The following BPNT2 variants were observed in gnomAD, a reference collection of about 807,000 sequenced individuals.
BPNT2 encodes the protein Golgi-resident adenosine 3',5'-bisphosphate 3'-phosphatase.
A neutral mutation model predicts 29.3 loss-of-function variants in BPNT2; 11 were observed. The ratio of observed to expected loss-of-function variants is 0.38; its 90% CI spans 0.24 to 0.62. The LOEUF (loss-of-function observed/expected upper bound fraction) is 0.62, where lower values mean the gene tolerates loss of function less well. Ranked by LOEUF, BPNT2 falls within the 20% of genes least tolerant of loss-of-function variation. The probability of loss-of-function intolerance (pLI) is 0.62; values close to 1 mark genes in which losing one functional copy is unlikely to be tolerated. For synonymous variants in BPNT2, 195 were observed against 187.7 expected, an observed-to-expected ratio of 1.04 and a Z score of -0.32; for missense variants, 459 against 473.4, an observed-to-expected ratio of 0.97 and a Z score of 0.28.
chr8:56,991,546 T>C (rs1031067368), intron 1 of BPNT2, among the ~76,000 whole-genome samples: 3 of 152,240 alleles, frequency 2.0e-5, no homozygotes, highest in African/African-American at 7.2e-5. Context: ...TCTACAATTA[T>C]AAGTTTTAAA....
In BPNT2 at chr8:56,963,475, G is replaced by A; in HGVS notation, c.*318C>T. The A allele has an allele frequency of 3.6e-6, 1 of 277,164 alleles. No individual in the cohort carries two copies. The highest frequency in any genetic ancestry group is 6.8e-6 in the Non-Finnish European group (1 of 146,150). 17.2% of individuals were successfully genotyped at this position (277,164 alleles called of 1,614,324 possible). On this transcript the variant is annotated 3_prime_UTR_variant, in exon 5 of 5. Transcript: ENST00000262644. ...AGTACTAACAGTGAAGATTCATGATGTTGTGTGAAAATGGTGACTCATAAC... is the reference window on the plus strand; with the variant it reads ...AGTACTAACAGTGAAGATTCATGATATTGTGTGAAAATGGTGACTCATAAC...
intron 2 of BPNT2, among the ~76,000 whole-genome samples, chr8:56,979,371 G>C (rs1806202177): frequency 6.6e-6 from 1 of 152,114 alleles, no homozygotes; most frequent in Non-Finnish European, 1.5e-5. Context: ...AACTTTTTAT[G>C]AACAAATTTC....
chr8:56,980,877 T>G (rs918308113), intron 1 of BPNT2, among the ~76,000 whole-genome samples: 3 of 149,750 alleles, frequency 2.0e-5, no homozygotes, highest in Non-Finnish European at 3.0e-5. Context: ...ATATATATTC[T>G]CTCTGTATAA....
Position 56,993,188 on chromosome 8 carries a change from T to G in BPNT2, c.387+11A>C, listed in dbSNP as rs772531656. ...CCGGCTCGAGTGGGCGCTCCGCCCG[T>G]GGGCTCCCACCTGGACGCTGGGGAA... On this transcript the variant is annotated intron_variant, in intron 1 of 4. Transcript: ENST00000262644. 1.3e-6 allele frequency: 2 copies of G among 1,593,902 alleles called. No homozygotes were observed. Among genetic ancestry groups the G allele is most frequent in the South Asian group, 1.1e-5 (1 of 90,010 alleles).
rs1489094333 is a variant in BPNT2, at chr8:56,958,267, G to A, written c.*5526C>T. On this transcript the variant is annotated 3_prime_UTR_variant, in exon 5 of 5. Coordinates refer to ENST00000262644, the MANE Select transcript of BPNT2 (RefSeq NM_017813.5). ...AGAGACTGGGCTATGTGCTGGGGGT[G>A]AGGTGGAAATACAAAAACACTAAGA... 1 of 152,150 alleles carries A rather than the reference G, an allele frequency of 6.6e-6. No homozygotes were observed. The highest frequency in any genetic ancestry group is 1.9e-4 in the East Asian group (1 of 5,192). 9.4% of individuals were successfully genotyped at this position (152,150 alleles called of 1,614,324 possible). A position where few individuals can be genotyped will look rare whatever the true frequency, so the allele number is the denominator to read the frequency against.
chr8:56,981,033 T>C (rs571941510), intron 1 of BPNT2, among the ~76,000 whole-genome samples: 1 of 152,224 alleles, frequency 6.6e-6, no homozygotes, highest in East Asian at 1.9e-4. Context: ...CAATTTGGAC[T>C]GTATAATTCC....
At chr8:56,979,890 A>C in intron 2 of BPNT2, 145 bp downstream of exon 2, 1 of 723,160 alleles carries the variant, frequency 1.4e-6, no homozygotes, top group Non-Finnish European at 2.4e-6. Flanking sequence ...TAGGTGTCCA[A>C]TATAAAACAT....
intron 1 of BPNT2, among the ~76,000 whole-genome samples, chr8:56,992,937 G>A (rs1806442309): frequency 6.6e-6 from 1 of 152,108 alleles, no homozygotes; most frequent in Non-Finnish European, 1.5e-5. Context: ...CAGCCTTTTC[G>A]TTTCAAGGCC....
rs1400962972 is a variant in BPNT2 at position 56,960,200 on chromosome 8, C to T, written c.*3593G>A. On this transcript the variant is annotated 3_prime_UTR_variant, in exon 5 of 5. Coordinates refer to ENST00000262644, the MANE Select transcript of BPNT2 (RefSeq NM_017813.5). ...GAATATTTTCCTTTCTGCATCGGCA[C>T]TCCACCTTTCTTTACTTATGCTCAG... 1 of 152,214 alleles carries T rather than the reference C, an allele frequency of 6.6e-6. No homozygotes were observed. The highest frequency in any genetic ancestry group is 1.5e-5 in the Non-Finnish European group (1 of 68,042). 9.4% of individuals were successfully genotyped at this position (152,214 alleles called of 1,614,324 possible). A position where few individuals can be genotyped will look rare whatever the true frequency, so the allele number is the denominator to read the frequency against.
intron 2 of BPNT2, 22 bp from the exon 3 acceptor site, chr8:56,978,167 AAC>A: frequency 7.2e-7 from 1 of 1,392,438 alleles, no homozygotes. Context: ...AAAACAAAAC[AAC>A]ACACACAAAT....
chr8:56,987,233 C>T (rs112195192), intron 1 of BPNT2, among the ~76,000 whole-genome samples: 1 of 152,188 alleles, frequency 6.6e-6, no homozygotes, highest in Non-Finnish European at 1.5e-5. Flanking sequence ...CACACAGTGC[C>T]TATCATACCA....
chr8:56,963,103 TACAA>T lies in BPNT2; in HGVS notation c.*686_*689del, dbSNP rs1162475481. Reference sequence around the variant, plus strand: ...ATGGCAGAAATGCTGAACTCATGGGTACAAACACACTTTTCTTTATAAAAACAAA... The same window carrying T: ...ATGGCAGAAATGCTGAACTCATGGGTACACACTTTTCTTTATAAAAACAAA... On this transcript the variant is annotated 3_prime_UTR_variant, in exon 5 of 5. Coordinates refer to ENST00000262644, the MANE Select transcript of BPNT2 (RefSeq NM_017813.5). The T allele has an allele frequency of 2.6e-5, 4 of 152,192 alleles. No homozygotes were observed. The highest frequency in any genetic ancestry group is 9.7e-5 in the African/African-American group (4 of 41,434). The allele number at this position is 152,192 out of a possible 1,614,324, so 9.4% of individuals were successfully genotyped here.
In BPNT2 at chr8:56,960,588, G is replaced by A. The variant is rs1238812318; in HGVS notation, c.*3205C>T. ...TAAAGAAAGAAACACTAAAATTGGG[G>A]TAGCACATACCAAGACAAACATGAC... On this transcript the variant is annotated 3_prime_UTR_variant, in exon 5 of 5. Transcript: ENST00000262644. 2 of 152,192 alleles carry A rather than the reference G, an allele frequency of 1.3e-5. No homozygotes were observed. Among genetic ancestry groups the A allele is most frequent in the African/African-American group, 4.8e-5 (2 of 41,460 alleles). 9.4% of individuals were successfully genotyped at this position (152,192 alleles called of 1,614,324 possible).
chr8:56,983,241 T>A (rs191098743), intron 1 of BPNT2, among the ~76,000 whole-genome samples: 4 of 152,192 alleles, frequency 2.6e-5, no homozygotes, highest in Non-Finnish European at 5.9e-5. Flanking sequence ...TATGCTGCAA[T>A]GAAGTTGTTT....
At position 56,970,716 on chromosome 8, in the gene BPNT2, C is replaced by T. The variant is rs1485299261; in HGVS notation, c.647-4364G>A. Among the ~76,000 whole-genome samples the T allele has an allele frequency of 2.0e-5, 3 of 152,160 alleles. No individual in the cohort carries two copies. In the East Asian group the frequency reaches 5.8e-4, roughly 29 times the overall value. ...TCTCCTTACTTTTTAGAGATGCATA[C>T]TGAAGTATAAGGGTAAAATGTTTAT... On this transcript the variant is annotated intron_variant, in intron 3 of 4. Coordinates refer to ENST00000262644, the MANE Select transcript of BPNT2 (RefSeq NM_017813.5).
At chr8:56,970,925 T>G (rs867457548) in intron 3 of BPNT2, among the ~76,000 whole-genome samples, 2 of 152,146 alleles carry the variant, frequency 1.3e-5, no homozygotes, top group Admixed American at 6.5e-5. Context: ...AAAATCCTCT[T>G]AATCCTTTTC....
At chr8:56,975,617 TTTG>T in intron 3 of BPNT2, among the ~76,000 whole-genome samples, 1 of 152,282 alleles carries the variant, frequency 6.6e-6, no homozygotes, top group East Asian at 1.9e-4. Context: ...AGAGTAACAT[TTTG>T]AACTTATGGT....
chr8:56,966,626 T>C (rs1563405194), intron 3 of BPNT2, among the ~76,000 whole-genome samples: 1 of 152,184 alleles, frequency 6.6e-6, no homozygotes, highest in Admixed American at 6.5e-5. Flanking sequence ...GGCTTAAGGA[T>C]TCCCATGCTC....
intron 2 of BPNT2, 66 bp from the exon 3 acceptor site, chr8:56,978,211 AT>A: frequency 1.0e-6 from 1 of 997,792 alleles, no homozygotes; most frequent in Admixed American, 1.7e-5. Context: ...TCAAGATACA[AT>A]ATTACACTTT....
Sources: allele counts gnomAD v4.1 joint callset (sites outside exome capture counted in the v4.1 genomes callset), GRCh38; gene constraint gnomAD v4.1.1; transcripts MANE v1.5; gene names NCBI Gene and HGNC (gene_info 2026-07-23, HGNC 2026-07-21).